The following WWTR1 variants were observed in gnomAD, a reference collection of about 807,000 sequenced individuals.
The protein encoded by WWTR1 is WW domain-containing transcription regulator protein 1.
In WWTR1, 13 loss-of-function variants were observed where a neutral mutation model predicts 40.1. The ratio of observed to expected loss-of-function variants is 0.32; its 90% CI spans 0.21 to 0.52. The LOEUF (loss-of-function observed/expected upper bound fraction) is 0.52, where lower values mean the gene tolerates loss of function less well. WWTR1 is among the 20% of genes least tolerant of loss of function. WWTR1 has a pLI of 0.97. For synonymous variants in WWTR1, 230 were observed against 210.1 expected (o/e 1.09, Z -0.82); for missense variants, 436 against 523.1 (o/e 0.83, Z 1.63).
intron 2 of WWTR1, among the ~76,000 whole-genome samples, chr3:149,655,070 G>A (rs1182712466): frequency 7.3e-5 from 11 of 151,380 alleles, no homozygotes; most frequent in African/African-American, 2.7e-4. Flanking sequence ...AGCTTGCAGT[G>A]AGCCTAGATC....
chr3:149,562,061 G>T (rs1355767133), intron 3 of WWTR1, among the ~76,000 whole-genome samples: 1 of 152,136 alleles, frequency 6.6e-6, no homozygotes, highest in Non-Finnish European at 1.5e-5. Context: ...TTTGGGGGCC[G>T]AGGCGGGCGG....
intron 2 of WWTR1, among the ~76,000 whole-genome samples, chr3:149,586,541 G>T (rs556172238): frequency 3.4e-4 from 52 of 152,352 alleles, no homozygotes; most frequent in Non-Finnish European, 6.9e-4. Context: ...AGATAGGGGT[G>T]CTAGGAGAAT....
chr3:149,628,946 A>G (rs1711498791), intron 2 of WWTR1, among the ~76,000 whole-genome samples: 3 of 151,628 alleles, frequency 2.0e-5, no homozygotes, highest in South Asian at 4.2e-4. Flanking sequence ...GCTTTAAAAA[A>G]AAAAATTGTA....
chr3:149,539,845 A>G (rs1322273817), intron 4 of WWTR1, among the ~76,000 whole-genome samples: 1 of 152,126 alleles, frequency 6.6e-6, no homozygotes, highest in Non-Finnish European at 1.5e-5. Context: ...TGAATACTGA[A>G]TAATCAGGTG....
intron 2 of WWTR1, among the ~76,000 whole-genome samples, chr3:149,584,969 T>G (rs1738343415): frequency 6.6e-6 from 1 of 151,944 alleles, no homozygotes; most frequent in Admixed American, 6.6e-5. Context: ...TGAAAATCTA[T>G]CCAAACTGTT....
rs73868035 is a variant in WWTR1 at position 149,602,240 on chromosome 3, C to T, written c.432-29240G>A. Reference sequence around the variant, plus strand: ...AAGGCAAAGTTCAGGTAGAATTTTCCGTCTGCAGAGTCATGATATAAGAGG... The same window carrying T: ...AAGGCAAAGTTCAGGTAGAATTTTCTGTCTGCAGAGTCATGATATAAGAGG... On this transcript the variant is annotated intron_variant, in intron 2 of 6. Transcript: ENST00000360632. Among the ~76,000 whole-genome samples, 1,217 of 152,230 alleles carry T rather than the reference C, an allele frequency of 8.0e-3. 19 individuals carry two copies. Among genetic ancestry groups the T allele is most frequent in the African/African-American group, 0.027 (1,133 of 41,526 alleles).
At position 149,656,764 on chromosome 3, in the gene WWTR1, TTCTCTC is replaced by T. The variant is rs780553230; in HGVS notation, c.431+106_431+111del. ...GGAAGGACACGCACCATCTCTCTCT[TTCTCTC>T]TCTCTCTCTCTCTCTCTCTCTCACA... On this transcript the variant is annotated intron_variant, in intron 2 of 6. Coordinates refer to ENST00000360632, the MANE Select transcript of WWTR1 (RefSeq NM_015472.6). 983 of 468,366 alleles carry T rather than the reference TTCTCTC, an allele frequency of 2.1e-3. 2 individuals are homozygous for T. The highest frequency in any genetic ancestry group is 8.9e-3 in the South Asian group (151 of 17,018). 29.0% of individuals were successfully genotyped at this position (468,366 alleles called of 1,614,324 possible). A position where few individuals can be genotyped will look rare whatever the true frequency, so the allele number is the denominator to read the frequency against.
chr3:149,621,408 T>TG (rs1740258608), intron 2 of WWTR1, among the ~76,000 whole-genome samples: 1 of 152,144 alleles, frequency 6.6e-6, no homozygotes, highest in African/African-American at 2.4e-5. Context: ...AAGTGACTAA[T>TG]GCTAGCAGCA....
chr3:149,651,992 A>ATTTTT (rs368845286), intron 2 of WWTR1, among the ~76,000 whole-genome samples: 4,260 of 93,496 alleles, frequency 0.046, 189 homozygotes, highest in East Asian at 0.12. Context: ...CGCCCGGCTA[A>ATTTTT]TTTTTTTTTT....
At chr3:149,631,725 G>A (rs947183802) in intron 2 of WWTR1, among the ~76,000 whole-genome samples, 1 of 152,124 alleles carries the variant, frequency 6.6e-6, no homozygotes, top group Admixed American at 6.6e-5. Flanking sequence ...TGATGGGGTA[G>A]TGACTGGAGC....
chr3:149,562,486 A>G (rs1410481270), intron 3 of WWTR1, among the ~76,000 whole-genome samples: 1 of 152,140 alleles, frequency 6.6e-6, no homozygotes, highest in Non-Finnish European at 1.5e-5. Context: ...TTTGCCAATC[A>G]GCATTTTCTA....
At chr3:149,535,707 C>G (rs1385599722) in intron 4 of WWTR1, among the ~76,000 whole-genome samples, 2 of 95,418 alleles carry the variant, frequency 2.1e-5, no homozygotes, top group East Asian at 3.6e-4. Context: ...TCTGTCTTCA[C>G]TTAAAAAAAA....
chr3:149,608,383 T>G (rs1457476249), intron 2 of WWTR1, among the ~76,000 whole-genome samples: 1 of 151,420 alleles, frequency 6.6e-6, no homozygotes, highest in Non-Finnish European at 1.5e-5. Flanking sequence ...TCAACAAATA[T>G]CTAAATTTTT....
At chr3:149,582,685 A>G (rs1187526824) in intron 2 of WWTR1, among the ~76,000 whole-genome samples, 1 of 152,172 alleles carries the variant, frequency 6.6e-6, no homozygotes, top group Admixed American at 6.5e-5. Context: ...AGCCGTGATC[A>G]TACCACTGCA....
intron 1 of WWTR1, among the ~76,000 whole-genome samples, chr3:149,699,953 C>T (rs1715120201): frequency 6.6e-6 from 1 of 152,198 alleles, no homozygotes; most frequent in Admixed American, 6.5e-5. Flanking sequence ...TATCAGTCCA[C>T]TTTCGCATTA....
At chr3:149,639,258 G>A (rs751420610) in intron 2 of WWTR1, among the ~76,000 whole-genome samples, 12 of 152,008 alleles carry the variant, frequency 7.9e-5, no homozygotes, top group Non-Finnish European at 1.3e-4. Flanking sequence ...GCCAGAGTAC[G>A]GTGGTGCAAT....
Position 149,654,499 on chromosome 3 carries a change from C to T in WWTR1, c.431+2377G>A, listed in dbSNP as rs1352196991. Among the ~76,000 whole-genome samples, 12 of 152,096 alleles carry T rather than the reference C, an allele frequency of 7.9e-5. 1 individual carries two copies. Among genetic ancestry groups the T allele is most frequent in the Admixed American group, 7.9e-4 (12 of 15,250 alleles). ...TTCAGCTGTCATTTTCATTGACTAC[C>T]CAAAGTGAAATGAAGATGCACTCTG... On this transcript the variant is annotated intron_variant, in intron 2 of 6. Coordinates refer to ENST00000360632, the MANE Select transcript of WWTR1 (RefSeq NM_015472.6).
At chr3:149,560,605 A>T (rs1045690467) in intron 3 of WWTR1, among the ~76,000 whole-genome samples, 4 of 152,226 alleles carry the variant, frequency 2.6e-5, no homozygotes, top group African/African-American at 9.6e-5. Context: ...AAGCAGCTAA[A>T]TGAAGGCCTT....
chr3:149,530,467 A>G (rs1317172884), intron 4 of WWTR1, among the ~76,000 whole-genome samples: 2 of 152,012 alleles, frequency 1.3e-5, no homozygotes, highest in Non-Finnish European at 2.9e-5. Context: ...TATAACACAC[A>G]TGAATTGTTA....
Sources: allele counts gnomAD v4.1 joint callset (sites outside exome capture counted in the v4.1 genomes callset), GRCh38; gene constraint gnomAD v4.1.1; transcripts MANE v1.5; gene names NCBI Gene and HGNC (gene_info 2026-07-23, HGNC 2026-07-21).